FRY: variants seen among roughly 807,000 people sequenced by gnomAD.
FRY encodes the protein FRY microtubule binding protein, also known as protein furry homolog.
In FRY, 128 loss-of-function variants were observed where a neutral mutation model predicts 348.4. The observed-to-expected ratio is 0.37, with a 90% confidence interval of 0.32 to 0.43. FRY has a LOEUF of 0.43. Among genes scored for constraint, FRY ranks in the 20% least tolerant of loss-of-function variants. The probability of loss-of-function intolerance (pLI) is 1.00; values close to 1 mark genes in which losing one functional copy is unlikely to be tolerated. For synonymous variants in FRY, 1,370 were observed against 1,374.7 expected (o/e 1.00, Z 0.08); for missense variants, 2,736 against 3,695.2 (o/e 0.74, Z 6.73).
chr13:32,293,120 A>G (rs1889458871), intron 59 of FRY, among the ~76,000 whole-genome samples: 1 of 152,230 alleles, frequency 6.6e-6, no homozygotes, highest in Non-Finnish European at 1.5e-5. Flanking sequence ...ACTTTATTGC[A>G]GATGTCTAGA....
At chr13:32,182,931 G>T (rs753371181) in intron 23 of FRY, 46 bp from the exon 24 acceptor site, 4 of 1,187,666 alleles carry the variant, frequency 3.4e-6, no homozygotes, top group South Asian at 1.2e-5. Flanking sequence ...TGACAAGTTT[G>T]GTGTCAAAAA....
At chr13:32,100,895 C>G (rs948850829) in intron 2 of FRY, among the ~76,000 whole-genome samples, 36 of 152,136 alleles carry the variant, frequency 2.4e-4, no homozygotes, top group African/African-American at 8.7e-4. Flanking sequence ...TGATCCCACT[C>G]AGGAGGGTTC....
intron 1 of FRY, among the ~76,000 whole-genome samples, chr13:32,071,666 T>C (rs1425924801): frequency 6.6e-6 from 1 of 152,132 alleles, no homozygotes; most frequent in African/African-American, 2.4e-5. Context: ...GTATATGCAG[T>C]ATCTAAAATG....
intron 59 of FRY, 63 bp downstream of exon 59, chr13:32,289,806 C>T (rs1889242539): frequency 4.7e-6 from 4 of 849,748 alleles, no homozygotes; most frequent in Non-Finnish European, 6.2e-6. Context: ...TGTTCTTCCT[C>T]ACTCCACCCC....
chr13:32,166,310 C>G (rs1881731075), intron 17 of FRY, among the ~76,000 whole-genome samples: 1 of 152,216 alleles, frequency 6.6e-6, no homozygotes, highest in African/African-American at 2.4e-5. Flanking sequence ...ATAACTGCGT[C>G]TGTTTAATTT....
intron 1 of FRY, among the ~76,000 whole-genome samples, chr13:32,075,514 T>C (rs553796007): frequency 7.9e-4 from 120 of 152,300 alleles, no homozygotes; most frequent in African/African-American, 2.8e-3. Context: ...TATGTATAGA[T>C]TAAGGGCAAG....
rs1396407233 is a variant in FRY, at chr13:32,239,992, A to G, written c.6687+111A>G. On this transcript the variant is annotated intron_variant, in intron 46 of 60. Coordinates refer to ENST00000542859, the MANE Select transcript of FRY (RefSeq NM_023037.3). The surrounding 1 kb of genome is among the most constrained non-coding windows in gnomAD (Gnocchi z 4.3). The stretch of plus-strand genomic sequence containing the variant: ...TGCCTTCGCCTCCCAGAGTGCTAGG[A>G]TTACAGGCGTGGGCCACCATTCCCT... The G allele has an allele frequency of 4.6e-6, 4 of 862,466 alleles. No individual in the cohort carries two copies. The African/African-American group carries it at 6.8e-5, about 15-fold the overall frequency. The allele number at this position is 862,466 out of a possible 1,614,324, so 53.4% of individuals were successfully genotyped here.
intron 1 of FRY, among the ~76,000 whole-genome samples, chr13:32,047,584 G>T (rs937257458): frequency 6.7e-6 from 1 of 148,628 alleles, no homozygotes; most frequent in African/African-American, 2.5e-5. Flanking sequence ...TTTTTTTTGG[G>T]GGGGGTGCAG....
In FRY at chr13:32,210,985, G is replaced by C. The variant is rs80325739; in HGVS notation, c.4542G>C (p.Pro1514=). 6.2e-7 allele frequency: 1 copy of C among 1,613,840 alleles called. No homozygotes were observed. Among genetic ancestry groups the C allele is most frequent in the Non-Finnish European group, 8.5e-7 (1 of 1,179,872 alleles). The change falls in exon 34 of 61, where the codon CCG becomes CCC. Residue 1514 remains proline (P), a synonymous_variant. Coordinates refer to ENST00000542859, the MANE Select transcript of FRY (RefSeq NM_023037.3). The part of the protein sequence containing the change: ...VNPIVQHCDN[P]PFYRFTASSK... Reference sequence around the variant, plus strand: ...CCATCGTCCAGCATTGTGACAACCCGCCCTTCTACCGCTTCACGGCCAGTA... The same window carrying C: ...CCATCGTCCAGCATTGTGACAACCCCCCCTTCTACCGCTTCACGGCCAGTA...
intron 51 of FRY, among the ~76,000 whole-genome samples, chr13:32,259,120 T>C (rs1049859545): frequency 6.6e-6 from 1 of 152,228 alleles, no homozygotes; most frequent in African/African-American, 2.4e-5. Context: ...TTTTCTCACA[T>C]GTAGGAAACT....
Position 32,047,014 on chromosome 13 carries a change from T to C in FRY, c.70+15149T>C, listed in dbSNP as rs1418717824. 3.9e-5 allele frequency among the ~76,000 whole-genome samples: 6 copies of C among 152,346 alleles called. No homozygotes were observed. The East Asian group carries it at 1.2e-3, about 29-fold the overall frequency. ...ATTCTGATTCCTAAAAAAGAGACTC[T>C]ACCTGATGTGTATGAGCTGTATATG... On this transcript the variant is annotated intron_variant, in intron 1 of 60. Transcript: ENST00000542859.
At chr13:32,134,869 A>C in intron 8 of FRY, 35 bp from the exon 9 acceptor site, 1 of 1,262,092 alleles carries the variant, frequency 7.9e-7, no homozygotes, top group Non-Finnish European at 1.2e-6. Flanking sequence ...ATTTCAACCT[A>C]CTCTCCCTCC....
intron 1 of FRY, among the ~76,000 whole-genome samples, chr13:32,071,765 G>A (rs1034512234): frequency 1.3e-5 from 2 of 152,066 alleles, no homozygotes; most frequent in East Asian, 3.9e-4. Flanking sequence ...TGGATATAAA[G>A]TTTTAGTTAA....
chr13:32,068,667 A>G (rs1874409210), intron 1 of FRY, among the ~76,000 whole-genome samples: 1 of 152,212 alleles, frequency 6.6e-6, no homozygotes, highest in Non-Finnish European at 1.5e-5. Flanking sequence ...TCTTTATTGA[A>G]CTGCTTCACT....
rs1157711847 is a variant in FRY at position 32,098,783 on chromosome 13, G to C, written c.271-3180G>C. 2.0e-5 allele frequency among the ~76,000 whole-genome samples: 3 copies of C among 152,060 alleles called. No homozygotes were observed. In the South Asian group the frequency reaches 6.2e-4, roughly 31 times the overall value. ...GCATTGTGAACCCTCAGTCACTGTTGAGTGATGAATAAACATATAGTATCT... is the reference window on the plus strand; with the variant it reads ...GCATTGTGAACCCTCAGTCACTGTTCAGTGATGAATAAACATATAGTATCT... On this transcript the variant is annotated intron_variant, in intron 2 of 60. Transcript: ENST00000542859.
intron 3 of FRY, among the ~76,000 whole-genome samples, chr13:32,109,889 G>A (rs1160527877): frequency 6.6e-6 from 1 of 152,202 alleles, no homozygotes; most frequent in African/African-American, 2.4e-5. Context: ...TTAGTATCAG[G>A]AGGTGGGATC....
chr13:32,202,720 G>T (rs1884104696), intron 31 of FRY, among the ~76,000 whole-genome samples, 193 bp downstream of exon 31: 1 of 152,096 alleles, frequency 6.6e-6, no homozygotes, highest in South Asian at 2.1e-4. Context: ...GGAGGCCAAG[G>T]CAGGCAGATC....
intron 58 of FRY, among the ~76,000 whole-genome samples, chr13:32,284,756 C>T (rs1888966176): frequency 6.6e-6 from 1 of 152,144 alleles, no homozygotes; most frequent in Admixed American, 6.5e-5. Context: ...TTAATTTAAA[C>T]CCAGGACTTT....
At chr13:32,272,270 A>AG (rs1888244295) in intron 55 of FRY, among the ~76,000 whole-genome samples, 1 of 152,182 alleles carries the variant, frequency 6.6e-6, no homozygotes, top group Non-Finnish European at 1.5e-5. Flanking sequence ...TTTCCGTGTT[A>AG]GGTTGGATTT....
Sources: gnomAD v4.1 joint callset for allele counts (sites outside exome capture counted in the v4.1 genomes callset) on GRCh38, gnomAD v4.1.1 for gene constraint, Gnocchi (gnomAD v3.1) non-coding constraint, MANE v1.5 for transcripts, NCBI Gene and HGNC (gene_info 2026-07-23, HGNC 2026-07-21) for gene names.